The following RNF121 variants were observed in gnomAD, a reference collection of about 807,000 sequenced individuals.
RNF121 encodes E3 ubiquitin ligase RNF121.
A neutral mutation model predicts 46.5 loss-of-function variants in RNF121; 21 were observed. That is an observed-to-expected ratio of 0.45 (90% CI 0.32 to 0.65). RNF121 has a LOEUF of 0.65. Ranked by LOEUF, RNF121 falls within the 30% of genes least tolerant of loss-of-function variation. RNF121 has a pLI of 0.04. For synonymous variants in RNF121, 139 were observed against 144.7 expected, an observed-to-expected ratio of 0.96 and a Z score of 0.28; for missense variants, 346 against 416.0, an observed-to-expected ratio of 0.83 and a Z score of 1.46.
chr11:71,959,527 C>G lies in RNF121; in HGVS notation c.102-1223C>G, dbSNP rs1365425526. On this transcript the variant is annotated intron_variant, in intron 2 of 8. Coordinates refer to ENST00000361756, the MANE Select transcript of RNF121 (RefSeq NM_018320.5). ...ATGGGAATTGTATAAAAGCTTATGA[C>G]TCAAGTTACATTTGTATTTGATTTT... 2.6e-5 allele frequency among the ~76,000 whole-genome samples: 4 copies of G among 152,024 alleles called. No individual in the cohort carries two copies. The East Asian group carries it at 7.7e-4, about 29-fold the overall frequency.
At chr11:71,990,840 A>G in intron 6 of RNF121, 123 bp downstream of exon 6, 1 of 1,140,302 alleles carries the variant, frequency 8.8e-7, no homozygotes, top group South Asian at 1.5e-5. Context: ...ATCCTTCAAG[A>G]TGTGCATATG....
chr11:71,982,499 A>G (rs572690757), intron 3 of RNF121, among the ~76,000 whole-genome samples: 1 of 152,326 alleles, frequency 6.6e-6, no homozygotes, highest in East Asian at 1.9e-4. Flanking sequence ...AGCTCATTGC[A>G]GTCAGCCAGC....
In RNF121 at chr11:71,996,193, AG is replaced by A; in HGVS notation, c.864-1del. 1 of 1,614,002 alleles carries A rather than the reference AG, an allele frequency of 6.2e-7. No homozygotes were observed. The highest frequency in any genetic ancestry group is 8.5e-7 in the Non-Finnish European group (1 of 1,179,932). On this transcript the variant is annotated splice_acceptor_variant, in intron 8 of 8. Transcript: ENST00000361756. LOFTEE classifies it high-confidence loss of function. ...AGTCTCTTTTCTTTAACACACTGAC[AG>A]CTGGGAGAGGCCTCACGTCATGTAT...
At chr11:71,964,149 G>T (rs1954212486) in intron 3 of RNF121, among the ~76,000 whole-genome samples, 1 of 152,002 alleles carries the variant, frequency 6.6e-6, no homozygotes, top group African/African-American at 2.4e-5. Flanking sequence ...CTGAACACAG[G>T]ATATCTTTTC....
chr11:71,935,846 CTTTTTTTTTT>C (rs994241423), intron 1 of RNF121, among the ~76,000 whole-genome samples: 56 of 114,724 alleles, frequency 4.9e-4, no homozygotes, highest in South Asian at 5.7e-4. Context: ...TATTCTTTTT[CTTTTTTTTTT>C]TTTTTTTTTT....
chr11:71,955,904 G>A (rs1953980325), intron 1 of RNF121, among the ~76,000 whole-genome samples: 1 of 152,190 alleles, frequency 6.6e-6, no homozygotes, highest in East Asian at 1.9e-4. Flanking sequence ...GTGTGGGTAG[G>A]AAAAGGAAGG....
Position 71,962,032 on chromosome 11 carries a change from A to G in RNF121, c.243+1141A>G, listed in dbSNP as rs1436944036. 3.3e-5 allele frequency: 5 copies of G among 149,978 alleles called. No homozygotes were observed. In the East Asian group the frequency reaches 5.9e-4, roughly 18 times the overall value. The allele number at this position is 149,978 out of a possible 1,614,324, so 9.3% of individuals were successfully genotyped here. A position where few individuals can be genotyped will look rare whatever the true frequency, so the allele number is the denominator to read the frequency against. ...GCCCAGGCGGGAGTGCAGTGGTGCA[A>G]TCTCTGCTCACTGCAAGCTCCGCCT... On this transcript the variant is annotated intron_variant, in intron 3 of 8. Transcript: ENST00000361756.
At chr11:71,935,230 G>A (rs1259504768) in intron 1 of RNF121, among the ~76,000 whole-genome samples, 2 of 152,186 alleles carry the variant, frequency 1.3e-5, no homozygotes, top group Admixed American at 1.3e-4. Context: ...ACTGCGCCCA[G>A]CCCTTAGATT....
intron 6 of RNF121, among the ~76,000 whole-genome samples, chr11:71,993,608 C>T (rs1287317521): frequency 2.6e-5 from 4 of 152,118 alleles, no homozygotes; most frequent in African/African-American, 9.7e-5. Context: ...TGTGGATAGG[C>T]ACTTGAGTTG....
At position 71,929,434 on chromosome 11, in the gene RNF121, T is replaced by A. The variant is rs140708932; in HGVS notation, c.63+310T>A. On this transcript the variant is annotated intron_variant, in intron 1 of 8. Coordinates refer to ENST00000361756, the MANE Select transcript of RNF121 (RefSeq NM_018320.5). ...GTGTCTTAGGGTAGGACCGAAGGGCTAAGAGGTAGTTTGAGTTGGAGGGAC... is the reference window on the plus strand; with the variant it reads ...GTGTCTTAGGGTAGGACCGAAGGGCAAAGAGGTAGTTTGAGTTGGAGGGAC... 4.0e-3 allele frequency among the ~76,000 whole-genome samples: 610 copies of A among 151,912 alleles called. 5 individuals are homozygous for A. Among genetic ancestry groups the A allele is most frequent in the Admixed American group, 8.7e-3 (132 of 15,252 alleles).
At chr11:71,994,950 C>A in intron 7 of RNF121, 98 bp downstream of exon 7, 1 of 1,526,146 alleles carries the variant, frequency 6.6e-7, no homozygotes, top group Non-Finnish European at 9.0e-7. Flanking sequence ...GCATGCTGTC[C>A]AGACCCTTGA....
chr11:71,981,576 G>A (rs1029022420), intron 3 of RNF121, among the ~76,000 whole-genome samples: 1 of 152,134 alleles, frequency 6.6e-6, no homozygotes, highest in Admixed American at 6.6e-5. Flanking sequence ...GAGGGAGTTA[G>A]GAGGCATTGG....
chr11:71,994,119 C>T (rs558386846), intron 6 of RNF121, among the ~76,000 whole-genome samples: 141 of 152,220 alleles, frequency 9.3e-4, no homozygotes, highest in African/African-American at 2.8e-3. Flanking sequence ...GGGTTACAGG[C>T]GTCAGCCACC....
At chr11:71,960,031 A>C (rs1018999478) in intron 2 of RNF121, among the ~76,000 whole-genome samples, 1 of 152,190 alleles carries the variant, frequency 6.6e-6, no homozygotes, top group Non-Finnish European at 1.5e-5. Context: ...GTATTAGCCA[A>C]GGGAATCACT....
At chr11:71,956,294 G>A (rs1377274138) in intron 1 of RNF121, among the ~76,000 whole-genome samples, 1 of 152,112 alleles carries the variant, frequency 6.6e-6, no homozygotes, top group Non-Finnish European at 1.5e-5. Context: ...AGAATGCATT[G>A]AGTGACTTAT....
intron 1 of RNF121, among the ~76,000 whole-genome samples, chr11:71,936,724 A>G (rs1953424442): frequency 6.6e-6 from 1 of 152,192 alleles, no homozygotes; most frequent in Admixed American, 6.5e-5. Context: ...TTATGACTTA[A>G]TAACACATCT....
At chr11:71,982,251 G>A (rs756665035) in intron 3 of RNF121, among the ~76,000 whole-genome samples, 2 of 134,248 alleles carry the variant, frequency 1.5e-5, no homozygotes, top group Non-Finnish European at 3.1e-5. Context: ...CAAGAGAATC[G>A]CTTAAACCTG....
intron 1 of RNF121, among the ~76,000 whole-genome samples, chr11:71,936,776 G>A (rs1024379489): frequency 2.0e-5 from 3 of 152,076 alleles, no homozygotes; most frequent in Non-Finnish European, 4.4e-5. Context: ...TCAGTAAAGG[G>A]GTTAGGAGAG....
chr11:71,934,879 G>A (rs539092613), intron 1 of RNF121, among the ~76,000 whole-genome samples: 1 of 152,100 alleles, frequency 6.6e-6, no homozygotes, highest in East Asian at 1.9e-4. Flanking sequence ...GAGTGCTGAG[G>A]GTGAAATAAT....
Sources: gnomAD v4.1 joint callset for allele counts (sites outside exome capture counted in the v4.1 genomes callset) on GRCh38, gnomAD v4.1.1 for gene constraint, MANE v1.5 for transcripts, NCBI Gene and HGNC (gene_info 2026-07-23, HGNC 2026-07-21) for gene names.